CACNA1I: variants seen among roughly 807,000 people sequenced by gnomAD.
CACNA1I encodes the protein voltage-dependent T-type calcium channel subunit alpha-1I.
CACNA1I carries 74 observed loss-of-function variants against 201.6 expected under a neutral mutation model. The observed-to-expected ratio is 0.37, with a 90% confidence interval of 0.30 to 0.45. The LOEUF is 0.45. Among genes scored for constraint, CACNA1I ranks in the 20% least tolerant of loss-of-function variants. The pLI is 1.00. For missense variants in CACNA1I, 2,346 were observed against 3,138.1 expected, an observed-to-expected ratio of 0.75 and a Z score of 6.03; for synonymous variants, 1,431 against 1,345.2, an observed-to-expected ratio of 1.06 and a Z score of -1.40.
chr22:39,683,926 C>T lies in CACNA1I; in HGVS notation c.5831-376C>T, dbSNP rs956832483. On this transcript the variant is annotated intron_variant, in intron 35 of 36. Transcript: ENST00000402142. ...TGGAGGTGACTGATCCTAGTGAGCA[C>T]CTACTATGTACTTGGTACTGAGCTG... Among the ~76,000 whole-genome samples the T allele has an allele frequency of 3.2e-4, 48 of 152,318 alleles. 1 individual carries two copies. The highest frequency in any genetic ancestry group is 2.9e-3 in the Admixed American group (45 of 15,310).
chr22:39,686,347 C>A lies in CACNA1I; in HGVS notation c.6614C>A (p.Pro2205Gln). 7.6e-7 allele frequency: 1 copy of A among 1,315,400 alleles called. No individual in the cohort carries two copies. Among genetic ancestry groups the A allele is most frequent in the Non-Finnish European group, 9.7e-7 (1 of 1,030,412 alleles). 81.5% of individuals were successfully genotyped at this position (1,315,400 alleles called of 1,614,324 possible). A position where few individuals can be genotyped will look rare whatever the true frequency, so the allele number is the denominator to read the frequency against. The stretch of plus-strand genomic sequence containing the variant: ...GGCCTGGGCCCCTTGGCGCCCCCGC[C>A]GCAACCGCTCCCCGGAGAGCTGGAG... ...PMGLGPLAPP[P>Q]QPLPGELEPG... The change falls in exon 37 of 37, where the codon CCG (proline) becomes CAG (glutamine). Residue 2205 changes from proline to glutamine, a missense_variant. Around this residue, in one of 13 missense-constraint regions of CACNA1I, gnomAD observed 187 missense variants for 151.0 expected, o/e 1.24. Coordinates refer to ENST00000402142, the MANE Select transcript of CACNA1I (RefSeq NM_021096.4).
Position 39,679,209 on chromosome 22 carries a change from G to A in CACNA1I, c.5158G>A (p.Val1720Met), listed in dbSNP as rs1456126610. Reference sequence around the variant, plus strand: ...GAGCTTCGTGCTCACCGCGCAGTTCGTGCTCATCAACGTGGTGGTGGCTGT... The same window carrying A: ...GAGCTTCGTGCTCACCGCGCAGTTCATGCTCATCAACGTGGTGGTGGCTGT... ...FVSFVLTAQF[V>M]LINVVVAVLM... The change falls in exon 32 of 37, where the codon GTG (valine) becomes ATG (methionine). Residue 1720 changes from valine to methionine, a missense_variant. By Grantham distance (21) the Val-to-Met change is conservative. Around this residue, in one of 13 missense-constraint regions of CACNA1I, gnomAD observed 64 missense variants for 131.8 expected, o/e 0.49. Transcript: ENST00000402142. 1.9e-6 allele frequency: 3 copies of A among 1,593,308 alleles called. No homozygotes were observed. Among genetic ancestry groups the A allele is most frequent in the Non-Finnish European group, 2.6e-6 (3 of 1,170,942 alleles).
rs77632940 is a variant in CACNA1I, at chr22:39,576,671, C to T, written c.236+5683C>T. 2.3e-3 allele frequency among the ~76,000 whole-genome samples: 355 copies of T among 152,296 alleles called. 2 individuals are homozygous for T. The highest frequency in any genetic ancestry group is 4.0e-3 in the Non-Finnish European group (274 of 68,020). On this transcript the variant is annotated intron_variant, in intron 1 of 36. Transcript: ENST00000402142. ...CGGGAAAGGGGAGGGCGCCAGCCTG[C>T]GGGGAGGCAGGAGAGGCCAGCTGCC...
chr22:39,649,656 G>A lies in CACNA1I; in HGVS notation c.1723G>A (p.Glu575Lys). Residue 575 changes from glutamate (E) to lysine (K), a missense_variant, in exon 10 of 37, where the codon GAG (glutamate) becomes AAG (lysine). By Grantham distance (56) the Glu-to-Lys change is moderately conservative. Transcript: ENST00000402142. This position sits in a 1 kb window ranked among gnomAD's most constrained non-coding sequence, Gnocchi z 7.3. ...SGLGSTDSGQ[E>K]GSGSGSSAGG... ...CCTGGGCAGCACCGACTCGGGCCAG[G>A]AGGGCTCGGGCTCCGGGAGCTCCGC... 3.9e-6 allele frequency: 6 copies of A among 1,519,374 alleles called. No homozygotes were observed. The highest frequency in any genetic ancestry group is 5.3e-6 in the Non-Finnish European group (6 of 1,130,534). The allele number at this position is 1,519,374 out of a possible 1,614,324, so 94.1% of individuals were successfully genotyped here. A position where few individuals can be genotyped will look rare whatever the true frequency, so the allele number is the denominator to read the frequency against.
At chr22:39,609,130 C>T (rs1797195566) in intron 3 of CACNA1I, among the ~76,000 whole-genome samples, 1 of 152,204 alleles carries the variant, frequency 6.6e-6, no homozygotes, top group Non-Finnish European at 1.5e-5. Flanking sequence ...GCTGAGTGCT[C>T]ACACCGTGCA....
chr22:39,666,675 C>T lies in CACNA1I; in HGVS notation c.4104+669C>T, dbSNP rs149149516. Among the ~76,000 whole-genome samples, 203 of 152,356 alleles carry T rather than the reference C, an allele frequency of 1.3e-3. 1 individual carries two copies. Among genetic ancestry groups the T allele is most frequent in the Admixed American group, 3.3e-3 (50 of 15,312 alleles). On this transcript the variant is annotated intron_variant, in intron 23 of 36. Transcript: ENST00000402142. This position sits in a 1 kb window ranked among gnomAD's most constrained non-coding sequence, Gnocchi z 4.1. ...GAGGCCAGGTATGTCCAGACGTAGG[C>T]GTGCCTTGCCCCAGGGCACACAGGG... is the stretch of plus-strand genomic sequence containing the variant.
intron 3 of CACNA1I, among the ~76,000 whole-genome samples, chr22:39,610,689 C>T (rs776977423): frequency 1.3e-5 from 2 of 152,140 alleles, no homozygotes; most frequent in African/African-American, 2.4e-5. Flanking sequence ...CTTCAGGGCC[C>T]GCTTGCTCTA....
At chr22:39,610,915 TG>T (rs1046594083) in intron 3 of CACNA1I, among the ~76,000 whole-genome samples, 4 of 152,064 alleles carry the variant, frequency 2.6e-5, no homozygotes, top group African/African-American at 9.7e-5. Flanking sequence ...TTGGCTGGTG[TG>T]GGGCATGTGC....
intron 4 of CACNA1I, among the ~76,000 whole-genome samples, chr22:39,625,851 A>T (rs1374001223): frequency 1.3e-5 from 1 of 79,354 alleles, no homozygotes; most frequent in Non-Finnish European, 2.5e-5. Context: ...CCCCACCCCC[A>T]GCCTGTACAT....
chr22:39,600,912 G>A lies in CACNA1I; in HGVS notation c.482+259G>A, dbSNP rs555879568. On this transcript the variant is annotated intron_variant, in intron 3 of 36. Transcript: ENST00000402142. ...ATACGACCTTGAGAGAGCCACTGAC[G>A]CTCTCTAAGCTTTCATTTCCTCATC... Among the ~76,000 whole-genome samples the A allele has an allele frequency of 2.6e-5, 4 of 152,254 alleles. No individual in the cohort carries two copies. The East Asian group carries it at 5.8e-4, about 22-fold the overall frequency.
At chr22:39,618,961 C>T (rs1271933115) in intron 3 of CACNA1I, among the ~76,000 whole-genome samples, 3 of 152,170 alleles carry the variant, frequency 2.0e-5, no homozygotes, top group African/African-American at 7.2e-5. Context: ...CTCCCACTTT[C>T]AGAGGCTGCT....
rs935870675 is a variant in CACNA1I, at chr22:39,642,877, C to T, written c.1137C>T (p.Ile379=). ...CCTTCTACAACTTCATCTACTTCATCCTGCTTATCATAGTAAGTGTCAGGG... is the reference window on the plus strand; with the variant it reads ...CCTTCTACAACTTCATCTACTTCATTCTGCTTATCATAGTAAGTGTCAGGG... ...AHSFYNFIYF[I]LLIIVGSFFM... is the part of the protein sequence containing the mutation. Residue 379 remains isoleucine (I), a synonymous_variant, in exon 7 of 37, where the codon ATC becomes ATT. Transcript: ENST00000402142. 3.1e-6 allele frequency: 5 copies of T among 1,603,160 alleles called. No homozygotes were observed. In the African/African-American group the frequency reaches 5.4e-5, roughly 17 times the overall value.
intron 1 of CACNA1I, among the ~76,000 whole-genome samples, chr22:39,577,524 G>A (rs1932398728): frequency 1.3e-5 from 2 of 152,246 alleles, no homozygotes; most frequent in Admixed American, 6.5e-5. Context: ...AGGAGGGGAT[G>A]GCTCGTGTTC....
chr22:39,662,223 C>T lies in CACNA1I; in HGVS notation c.3160C>T (p.Arg1054Cys). 7 of 1,528,960 alleles carry T rather than the reference C, an allele frequency of 4.6e-6. No homozygotes were observed. The highest frequency in any genetic ancestry group is 2.8e-5 in the African/African-American group (2 of 70,370). The allele number at this position is 1,528,960 out of a possible 1,614,324, so 94.7% of individuals were successfully genotyped here. A position where few individuals can be genotyped will look rare whatever the true frequency, so the allele number is the denominator to read the frequency against. Residue 1054 changes from arginine (R) to cysteine (C), a missense_variant, in exon 17 of 37, where the codon CGC becomes TGC. Transcript: ENST00000402142. ...TCTGGCGCACCGCCACCGCCACCAC[C>T]GCCGGACGCTGTCCCTCGACAACAG... ...PHLAHRHRHH[R>C]RTLSLDNRDS...
Position 39,684,776 on chromosome 22 carries a change from G to A in CACNA1I, c.6027+278G>A, listed in dbSNP as rs1935808846. On this transcript the variant is annotated intron_variant, in intron 36 of 36. Coordinates refer to ENST00000402142, the MANE Select transcript of CACNA1I (RefSeq NM_021096.4). The surrounding 1 kb of genome is among the most constrained non-coding windows in gnomAD (Gnocchi z 4.6). ...AGAGGCCTGTGATCCCTAGCTTGAG[G>A]GGAGGGGAGGAGAGGAGGAGGAGTA... 5 of 591,698 alleles carry A rather than the reference G, an allele frequency of 8.5e-6. No individual in the cohort carries two copies. The highest frequency in any genetic ancestry group is 1.9e-5 in the African/African-American group (1 of 53,752). The allele number at this position is 591,698 out of a possible 1,614,324, so 36.7% of individuals were successfully genotyped here.
intron 5 of CACNA1I, 114 bp downstream of exon 5, chr22:39,634,838 G>C (rs1934163613): frequency 2.0e-6 from 2 of 1,004,388 alleles, no homozygotes; most frequent in Non-Finnish European, 2.9e-6. Flanking sequence ...CAAAAAAAGA[G>C]AGGTCAGGTA....
chr22:39,679,680 C>G (rs1935632922), intron 32 of CACNA1I, 42 bp from the exon 33 acceptor site: 1 of 1,561,386 alleles, frequency 6.4e-7, no homozygotes, highest in African/African-American at 1.4e-5. Flanking sequence ...CGGGACCCGG[C>G]TGATAATCCC....
rs1411058680 is a variant in CACNA1I, at chr22:39,686,422, C to A, written c.*17C>A. On this transcript the variant is annotated 3_prime_UTR_variant, in exon 37 of 37. Coordinates refer to ENST00000402142, the MANE Select transcript of CACNA1I (RefSeq NM_021096.4). The stretch of plus-strand genomic sequence containing the variant: ...AAGAGATGAGGGTCGCAGGGGCCCC[C>A]GGCCGCCCACCGCCCGCCCCGTCTC... 9.8e-6 allele frequency: 12 copies of A among 1,225,826 alleles called. No individual in the cohort carries two copies. The South Asian group carries it at 2.9e-4, about 30-fold the overall frequency. 75.9% of individuals were successfully genotyped at this position (1,225,826 alleles called of 1,614,324 possible).
At chr22:39,607,485 T>C (rs1407121115) in intron 3 of CACNA1I, among the ~76,000 whole-genome samples, 1 of 152,158 alleles carries the variant, frequency 6.6e-6, no homozygotes, top group Admixed American at 6.5e-5. Flanking sequence ...TGTGGGCCAC[T>C]GGTGGAGAAA....
Sources: allele counts gnomAD v4.1 joint callset (sites outside exome capture counted in the v4.1 genomes callset), GRCh38; gene constraint gnomAD v4.1.1; regional missense constraint gnomAD v4.1.1; non-coding constraint Gnocchi (gnomAD v3.1); transcripts MANE v1.5; gene names NCBI Gene and HGNC (gene_info 2026-07-23, HGNC 2026-07-21).